Variants in ADGRL4 observed in about 807,000 individuals in gnomAD.
ADGRL4 encodes adhesion G protein-coupled receptor L4, also known as EGF, latrophilin and seven transmembrane domain containing 1.
Under a neutral mutation model 74.8 loss-of-function variants are expected in ADGRL4, and 90 were observed. The ratio of observed to expected loss-of-function variants is 1.20; its 90% CI spans 1.02 to 1.43. ADGRL4 has a LOEUF of 1.43. Among genes scored for constraint, ADGRL4 ranks in the 40% most tolerant of loss-of-function variants. The pLI is 0.00. For missense variants in ADGRL4, 881 were observed against 814.3 expected (o/e 1.08, Z -1.00); for synonymous variants, 311 against 279.2 (o/e 1.11, Z -1.14).
rs748328276 is a variant in ADGRL4, at chr1:78,891,576, T to C, written c.1958A>G (p.Asn653Ser). The change falls in exon 14 of 15, where the codon AAT becomes AGT. Residue 653 changes from asparagine to serine, a missense_variant. Asn to Ser is a conservative substitution (Grantham distance 46). Coordinates refer to ENST00000370742, the MANE Select transcript of ADGRL4 (RefSeq NM_022159.4). ...VVTAYLFTVS[N>S]AFQGMFIFLF... ...AAAAATGAACATCCCCTGGAAAGCA[T>C]TGCTGACTGTGAAGAGGTAAGCTGT... The C allele has an allele frequency of 1.4e-5, 22 of 1,613,414 alleles. No homozygotes were observed. The highest frequency in any genetic ancestry group is 2.7e-5 in the African/African-American group (2 of 74,878).
chr1:78,941,892 G>A (rs1328530627), intron 3 of ADGRL4, among the ~76,000 whole-genome samples: 1 of 152,034 alleles, frequency 6.6e-6, no homozygotes, highest in East Asian at 1.9e-4. Flanking sequence ...ATAACCTTGG[G>A]TAATATCTTA....
At position 78,893,040 on chromosome 1, in the gene ADGRL4, A is replaced by G. The variant is rs1315499699; in HGVS notation, c.1841+58T>C. 3 of 924,218 alleles carry G rather than the reference A, an allele frequency of 3.2e-6. No individual in the cohort carries two copies. The African/African-American group carries it at 5.2e-5, about 16-fold the overall frequency. The allele number at this position is 924,218 out of a possible 1,614,324, so 57.3% of individuals were successfully genotyped here. A position where few individuals can be genotyped will look rare whatever the true frequency, so the allele number is the denominator to read the frequency against. ...CCCCAAATTATTTGTACTTTGAGTT[A>G]CTAAAGCTTTTAATTACCAAAAAAA... On this transcript the variant is annotated intron_variant, in intron 13 of 14. Transcript: ENST00000370742.
Position 78,893,199 on chromosome 1 carries a change from G to A in ADGRL4, c.1750-10C>T. On this transcript the variant is annotated splice_polypyrimidine_tract_variant and intron_variant, in intron 12 of 14. Coordinates refer to ENST00000370742, the MANE Select transcript of ADGRL4 (RefSeq NM_022159.4). ...AAGCCAAGAGATTAACCTGGAAAAA[G>A]AATTAATTTCAAAGAAGAGATAGTT... 1 of 1,538,066 alleles carries A rather than the reference G, an allele frequency of 6.5e-7. No homozygotes were observed. The highest frequency in any genetic ancestry group is 1.2e-5 in the South Asian group (1 of 84,800).
At chr1:78,929,297 C>T (rs190477972) in intron 7 of ADGRL4, among the ~76,000 whole-genome samples, 119 of 151,452 alleles carry the variant, frequency 7.9e-4, no homozygotes, top group Admixed American at 1.5e-3. Flanking sequence ...GGGAGGATCA[C>T]TTGAGGCAGG....
intron 12 of ADGRL4, among the ~76,000 whole-genome samples, chr1:78,906,526 A>T (rs565802829): frequency 3.5e-4 from 54 of 152,118 alleles, no homozygotes; most frequent in Non-Finnish European, 6.6e-4. Context: ...TAAACCATGG[A>T]AAGGAATAAA....
intron 13 of ADGRL4, among the ~76,000 whole-genome samples, chr1:78,892,632 C>T (rs776866420): frequency 6.6e-6 from 1 of 152,066 alleles, no homozygotes; most frequent in Non-Finnish European, 1.5e-5. Context: ...TCCCAAGCAA[C>T]ACAAATAGTC....
In ADGRL4 at chr1:78,918,005, C is replaced by T. The variant is rs891389656; in HGVS notation, c.1507G>A (p.Ala503Thr). ...IAGLLHYFFL[A>T]AFAWMCIEGI... ...TCAATGCACATCCATGCAAAAGCAG[C>T]TAAAAAGAAGTAGTGTAGCAGTCCG... is the stretch of plus-strand genomic sequence containing the variant. Residue 503 changes from alanine (A) to threonine (T), a missense_variant, in exon 11 of 15, where the codon GCT becomes ACT. Transcript: ENST00000370742. 6.2e-7 allele frequency: 1 copy of T among 1,610,596 alleles called. No individual in the cohort carries two copies. The highest frequency in any genetic ancestry group is 2.2e-5 in the East Asian group (1 of 44,740).
intron 3 of ADGRL4, among the ~76,000 whole-genome samples, chr1:78,944,067 T>TG (rs1649546045): frequency 6.7e-6 from 1 of 148,986 alleles, no homozygotes; most frequent in Non-Finnish European, 1.5e-5. Flanking sequence ...TTCAGTAATC[T>TG]TTGTGTTTTT....
rs3811440 is a variant in ADGRL4 at position 78,921,557 on chromosome 1, C to A, written c.1257+56G>T. ...AAATTAAATATTGTCTCGAATGATG[C>A]GGAAAAAAAACAGAAAAAGCAACAT... is the stretch of plus-strand genomic sequence containing the variant. On this transcript the variant is annotated intron_variant, in intron 9 of 14. Coordinates refer to ENST00000370742, the MANE Select transcript of ADGRL4 (RefSeq NM_022159.4). The A allele has an allele frequency of 8.0e-6, 9 of 1,119,800 alleles. No homozygotes were observed. In the African/African-American group the frequency reaches 1.1e-4, roughly 14 times the overall value. The allele number at this position is 1,119,800 out of a possible 1,614,324, so 69.4% of individuals were successfully genotyped here. A position where few individuals can be genotyped will look rare whatever the true frequency, so the allele number is the denominator to read the frequency against.
chr1:78,996,742 T>C (rs1481248955), intron 2 of ADGRL4, among the ~76,000 whole-genome samples: 1 of 152,244 alleles, frequency 6.6e-6, no homozygotes, highest in East Asian at 1.9e-4. Flanking sequence ...TTTTTAGCTC[T>C]ACAATTTGGG....
rs148061729 is a variant in ADGRL4 at position 78,937,759 on chromosome 1, G to A, written c.760+48C>T. On this transcript the variant is annotated intron_variant, in intron 6 of 14. Transcript: ENST00000370742. ...AACCCCACCCAAAACTTTGAAAATG[G>A]CTTATTTGGAAAACACAATTACTTT... is the stretch of plus-strand genomic sequence containing the variant. The A allele has an allele frequency of 2.1e-4, 326 of 1,553,286 alleles. 2 individuals are homozygous for A. In the African/African-American group the frequency reaches 4.0e-3, roughly 19 times the overall value.
intron 2 of ADGRL4, among the ~76,000 whole-genome samples, chr1:78,947,394 C>G (rs1181032970): frequency 2.0e-5 from 3 of 152,128 alleles, no homozygotes; most frequent in Non-Finnish European, 4.4e-5. Context: ...GAGGCAGAGA[C>G]TGAAAGATGT....
At chr1:78,965,512 T>G (rs920488260) in intron 2 of ADGRL4, among the ~76,000 whole-genome samples, 2 of 152,072 alleles carry the variant, frequency 1.3e-5, no homozygotes, top group East Asian at 3.9e-4. Flanking sequence ...ACCCACAAAT[T>G]TTGTAGCAAG....
chr1:79,003,495 G>A (rs1232191571), intron 2 of ADGRL4, among the ~76,000 whole-genome samples: 2 of 143,884 alleles, frequency 1.4e-5, no homozygotes, highest in African/African-American at 5.2e-5. Flanking sequence ...AGGCCAAAAG[G>A]TCTTAAAGAA....
intron 2 of ADGRL4, among the ~76,000 whole-genome samples, chr1:78,955,899 A>G (rs1329528703): frequency 6.6e-6 from 1 of 152,176 alleles, no homozygotes; most frequent in African/African-American, 2.4e-5. Flanking sequence ...GAAAAAAACT[A>G]TCTAATCTAT....
At chr1:78,898,772 G>A (rs1210244793) in intron 12 of ADGRL4, among the ~76,000 whole-genome samples, 1 of 151,984 alleles carries the variant, frequency 6.6e-6, no homozygotes, top group Non-Finnish European at 1.5e-5. Context: ...TCTATAAAGA[G>A]ACCTGTTTCT....
chr1:78,891,562 T>A lies in ADGRL4; in HGVS notation c.1972A>T (p.Met658Leu). Residue 658 changes from methionine to leucine, a missense_variant, in exon 14 of 15, where the codon ATG becomes TTG. Met to Leu is a conservative substitution (Grantham distance 15). Coordinates refer to ENST00000370742, the MANE Select transcript of ADGRL4 (RefSeq NM_022159.4). Reference protein sequence around the residue: ...LFTVSNAFQGMFIFLFLCVLS... With the variant: ...LFTVSNAFQGLFIFLFLCVLS... ...ACACACAGGAATAAAAAAATGAACA[T>A]CCCCTGGAAAGCATTGCTGACTGTG... The A allele has an allele frequency of 6.2e-7, 1 of 1,613,206 alleles. No individual in the cohort carries two copies. The highest frequency in any genetic ancestry group is 8.5e-7 in the Non-Finnish European group (1 of 1,179,656).
At chr1:78,942,029 C>A (rs1282966580) in intron 3 of ADGRL4, among the ~76,000 whole-genome samples, 15 of 151,914 alleles carry the variant, frequency 9.9e-5, no homozygotes, top group Admixed American at 9.8e-4. Flanking sequence ...GACACCCCGT[C>A]TCTACTAAAA....
intron 2 of ADGRL4, among the ~76,000 whole-genome samples, chr1:78,949,094 G>C (rs1649670516): frequency 6.6e-6 from 1 of 152,016 alleles, no homozygotes; most frequent in Non-Finnish European, 1.5e-5. Context: ...GTAATATAGA[G>C]GACGATGAGG....
Sources: gnomAD v4.1 joint callset for allele counts (sites outside exome capture counted in the v4.1 genomes callset) on GRCh38, gnomAD v4.1.1 for gene constraint, MANE v1.5 for transcripts, NCBI Gene and HGNC (gene_info 2026-07-23, HGNC 2026-07-21) for gene names.